The following MDC1 variants were observed in gnomAD, a reference collection of about 807,000 sequenced individuals.
MDC1 encodes mediator of DNA damage checkpoint 1.
MDC1 carries 81 observed loss-of-function variants against 142.5 expected under a neutral mutation model. The ratio of observed to expected loss-of-function variants is 0.57; its 90% CI spans 0.47 to 0.68. The LOEUF (loss-of-function observed/expected upper bound fraction) is 0.68, where lower values mean the gene tolerates loss of function less well. Ranked by LOEUF, MDC1 falls within the 30% of genes least tolerant of loss-of-function variation. MDC1 has a pLI of 0.00. For missense variants in MDC1, 2,119 were observed against 2,547.9 expected (o/e 0.83, Z 3.62); for synonymous variants, 797 against 968.4 (o/e 0.82, Z 3.29).
rs752754991 is a variant in MDC1, at chr6:30,706,050, C to A, written c.3133G>T (p.Ala1045Ser). The change falls in exon 10 of 15, where the codon GCC becomes TCC. Residue 1045 changes from alanine to serine, a missense_variant. Ala to Ser is a moderately conservative substitution (Grantham distance 99). Coordinates refer to ENST00000376406, the MANE Select transcript of MDC1 (RefSeq NM_014641.3). The stretch of plus-strand genomic sequence containing the variant: ...AGGGGCTTTTGGGGTGGGGCTGGGG[C>A]TTCAGGTACTGTAGGAGGCAGACAA... ...DACLPPTVPE[A>S]PAPPQKPLNS... 1.3e-5 allele frequency: 21 copies of A among 1,599,930 alleles called. No homozygotes were observed. Among genetic ancestry groups the A allele is most frequent in the Non-Finnish European group, 1.6e-5 (19 of 1,179,072 alleles).
At position 30,715,742 on chromosome 6, in the gene MDC1, G is replaced by C. The variant is rs1775573740; in HGVS notation, c.-3-564C>G. On this transcript the variant is annotated intron_variant, in intron 1 of 14. Transcript: ENST00000376406. This position sits in a 1 kb window ranked among gnomAD's most constrained non-coding sequence, Gnocchi z 4.1. ...ATGATAATAAAAGATGACATATATA[G>C]AAGCTTCCTATGTGTCAAGCACTGT... Among the ~76,000 whole-genome samples, 1 of 152,148 alleles carries C rather than the reference G, an allele frequency of 6.6e-6. No homozygotes were observed. The highest frequency in any genetic ancestry group is 1.5e-5 in the Non-Finnish European group (1 of 68,032).
Position 30,705,058 on chromosome 6 carries a change from A to C in MDC1, c.4125T>G (p.Pro1375=). ...TGACAGGCTGCTCTGTGGAGGTGGA[A>C]GGTGGGAGCTCAGGGGCTATAGGGA... ...STVPIAPELP[P]STSTEQPVTP... The change falls in exon 10 of 15, where the codon CCT becomes CCG. Residue 1375 remains proline, a synonymous_variant. Transcript: ENST00000376406. 1 of 1,612,238 alleles carries C rather than the reference A, an allele frequency of 6.2e-7. No individual in the cohort carries two copies.
At position 30,703,598 on chromosome 6, in the gene MDC1, T is replaced by C; in HGVS notation, c.5562+23A>G. 6.2e-7 allele frequency: 1 copy of C among 1,612,268 alleles called. No homozygotes were observed. Among genetic ancestry groups the C allele is most frequent in the Non-Finnish European group, 8.5e-7 (1 of 1,179,172 alleles). The stretch of plus-strand genomic sequence containing the variant: ...GCCCTGAAGTCATTTTTCCCAGCTT[T>C]GTGGTCCCAACCCTCTCCTCACCTC... On this transcript the variant is annotated intron_variant, in intron 10 of 14. Coordinates refer to ENST00000376406, the MANE Select transcript of MDC1 (RefSeq NM_014641.3). The surrounding 1 kb of genome is among the most constrained non-coding windows in gnomAD (Gnocchi z 4.4).
At position 30,700,645 on chromosome 6, in the gene MDC1, G is replaced by T; in HGVS notation, c.6103-13C>A. ...CAACTCTCTGAGGCTGGGGAAGACA[G>T]AGCAAAGGCAAAATCAGGTGAAAAA... On this transcript the variant is annotated splice_polypyrimidine_tract_variant and intron_variant, in intron 14 of 14. Transcript: ENST00000376406. The T allele has an allele frequency of 6.2e-7, 1 of 1,612,212 alleles. No individual in the cohort carries two copies. The highest frequency in any genetic ancestry group is 8.5e-7 in the Non-Finnish European group (1 of 1,179,404).
intron 14 of MDC1, among the ~76,000 whole-genome samples, chr6:30,701,699 T>G (rs1772720714): frequency 1.3e-5 from 2 of 152,170 alleles, no homozygotes; most frequent in Admixed American, 1.3e-4. Context: ...AACAACTGTA[T>G]AGAGACATTT....
rs183607895 is a variant in MDC1 at position 30,715,636 on chromosome 6, G to A, written c.-3-458C>T. Among the ~76,000 whole-genome samples the A allele has an allele frequency of 2.4e-3, 371 of 152,296 alleles. 1 individual carries two copies. Among genetic ancestry groups the A allele is most frequent in the African/African-American group, 8.5e-3 (353 of 41,560 alleles). On this transcript the variant is annotated intron_variant, in intron 1 of 14. Transcript: ENST00000376406. The surrounding 1 kb of genome is among the most constrained non-coding windows in gnomAD (Gnocchi z 4.1). ...TTACAGGCGTGAGCCACTGCGCCCC[G>A]TTGTTTTTCTTTCTTTTTTAGCCCA...
intron 14 of MDC1, among the ~76,000 whole-genome samples, chr6:30,701,047 C>A (rs1413927869): frequency 1.3e-5 from 2 of 148,504 alleles, no homozygotes; most frequent in African/African-American, 5.0e-5. Context: ...TGCACTCCAG[C>A]CTGGGCTACA....
At chr6:30,707,232 G>A (rs1774029291) in intron 9 of MDC1, 152 bp downstream of exon 9, 3 of 766,032 alleles carry the variant, frequency 3.9e-6, no homozygotes, top group Non-Finnish European at 6.5e-6. Context: ...GGGTGCCGAG[G>A]ATAAAGGAAT....
At position 30,703,462 on chromosome 6, in the gene MDC1, T is replaced by C; in HGVS notation, c.5638A>G (p.Ser1880Gly). The change falls in exon 11 of 15, where the codon AGC (serine) becomes GGC (glycine). Residue 1880 changes from serine (S) to glycine (G), a missense_variant. Ser to Gly is a moderately conservative substitution (Grantham distance 56, BLOSUM62 0). Coordinates refer to ENST00000376406, the MANE Select transcript of MDC1 (RefSeq NM_014641.3). This position sits in a 1 kb window ranked among gnomAD's most constrained non-coding sequence, Gnocchi z 4.4. The stretch of plus-strand genomic sequence containing the variant: ...TGGTTAAGTTTGGTCCGTCGGAGGC[T>C]GCGGCTTGGTATTCTGTTGGGCTCC... ...EEEPNRIPSR[S>G]LRRTKLNQES... 1 of 1,614,020 alleles carries C rather than the reference T, an allele frequency of 6.2e-7. No individual in the cohort carries two copies. Among genetic ancestry groups the C allele is most frequent in the Non-Finnish European group, 8.5e-7 (1 of 1,180,040 alleles).
chr6:30,711,528 G>A (rs773595592), intron 6 of MDC1, 24 bp from the exon 7 acceptor site: 4 of 1,609,766 alleles, frequency 2.5e-6, no homozygotes, highest in Non-Finnish European at 3.4e-6. Context: ...GATGGCCTAA[G>A]TTCATCTCCT....
intron 9 of MDC1, among the ~76,000 whole-genome samples, chr6:30,707,061 T>C (rs991818617): frequency 1.3e-5 from 2 of 152,160 alleles, no homozygotes; most frequent in African/African-American, 4.8e-5. Context: ...GGAAGCTACC[T>C]TTTTCCCACA....
Position 30,704,909 on chromosome 6 carries a change from G to A in MDC1, c.4274C>T (p.Thr1425Ile), listed in dbSNP as rs1773472286. The A allele has an allele frequency of 1.2e-6, 2 of 1,605,496 alleles. No homozygotes were observed. The highest frequency in any genetic ancestry group is 1.7e-6 in the Non-Finnish European group (2 of 1,176,010). The change falls in exon 10 of 15, where the codon ACT becomes ATT. Residue 1425 changes from threonine (T) to isoleucine (I), a missense_variant. Physicochemically the swap from Thr to Ile is moderately conservative, Grantham distance 89 (BLOSUM62 -1). Coordinates refer to ENST00000376406, the MANE Select transcript of MDC1 (RefSeq NM_014641.3). The stretch of plus-strand genomic sequence containing the variant: ...GGTGGCCTGAGATGTGGGCTCAGGA[G>A]TGACAGGTTGGTCTGTGGAAGTGGA... ...EPSTSTDQPV[T>I]PEPTSQATRG...
In MDC1 at chr6:30,703,893, C is replaced by A. The variant is rs1029989411; in HGVS notation, c.5290G>T (p.Ala1764Ser). ...TCAGGAATGGCTGTAAGGGATTCAG[C>A]TGCTCTCACTGCTCCCCATCTTTGG... ...RNQRWGAVRA[A>S]ESLTAIPEPA... is the part of the protein sequence containing the mutation. Residue 1764 changes from alanine (A) to serine (S), a missense_variant, in exon 10 of 15, where the codon GCT (alanine) becomes TCT (serine). Ala to Ser is a moderately conservative substitution (Grantham distance 99). Transcript: ENST00000376406. This position sits in a 1 kb window ranked among gnomAD's most constrained non-coding sequence, Gnocchi z 4.4. 2 of 1,614,160 alleles carry A rather than the reference C, an allele frequency of 1.2e-6. No homozygotes were observed. Among genetic ancestry groups the A allele is most frequent in the Non-Finnish European group, 1.7e-6 (2 of 1,180,026 alleles).
chr6:30,705,069 C>T lies in MDC1; in HGVS notation c.4114G>A (p.Glu1372Lys). 6.2e-7 allele frequency: 1 copy of T among 1,612,246 alleles called. No individual in the cohort carries two copies. Among genetic ancestry groups the T allele is most frequent in the Non-Finnish European group, 8.5e-7 (1 of 1,179,586 alleles). Residue 1372 changes from glutamate to lysine, a missense_variant, in exon 10 of 15, where the codon GAG becomes AAG. By Grantham distance (56) the Glu-to-Lys change is moderately conservative. Coordinates refer to ENST00000376406, the MANE Select transcript of MDC1 (RefSeq NM_014641.3). ...NPESTVPIAPELPPSTSTEQP... is the reference protein window; with the variant it reads ...NPESTVPIAPKLPPSTSTEQP... ...TCTGTGGAGGTGGAAGGTGGGAGCT[C>T]AGGGGCTATAGGGACAGTTGATTCA...
In MDC1 at chr6:30,716,227, CTT is replaced by C. The variant is rs113041889; in HGVS notation, c.-4+1016_-4+1017del. On this transcript the variant is annotated intron_variant, in intron 1 of 14. Transcript: ENST00000376406. The surrounding 1 kb of genome is among the most constrained non-coding windows in gnomAD (Gnocchi z 4.4). ...ATTCAGTTCAAATGTCACTTTCTTTCTTTTTTTTTTTTTTGAGATGGAATCTC... is the reference window on the plus strand; with the variant it reads ...ATTCAGTTCAAATGTCACTTTCTTTCTTTTTTTTTTTTGAGATGGAATCTC... Among the ~76,000 whole-genome samples, 8 of 144,314 alleles carry C rather than the reference CTT, an allele frequency of 5.5e-5. No individual in the cohort carries two copies. The highest frequency in any genetic ancestry group is 6.1e-5 in the Non-Finnish European group (4 of 65,390). The allele number at this position is 144,314 out of a possible 152,430, so 94.7% of individuals were successfully genotyped here.
At position 30,715,291 on chromosome 6, in the gene MDC1, T is replaced by A; in HGVS notation, c.-3-113A>T. The stretch of plus-strand genomic sequence containing the variant: ...CTGGATCATTATGAACGTTGATGCT[T>A]CTCTTTCCACCAATCTTTCTGTTGT... On this transcript the variant is annotated intron_variant, in intron 1 of 14. Transcript: ENST00000376406. The surrounding 1 kb of genome is among the most constrained non-coding windows in gnomAD (Gnocchi z 4.1). 8.7e-7 allele frequency: 1 copy of A among 1,145,602 alleles called. No individual in the cohort carries two copies. The highest frequency in any genetic ancestry group is 1.3e-6 in the Non-Finnish European group (1 of 780,250). 71.0% of individuals were successfully genotyped at this position (1,145,602 alleles called of 1,614,324 possible).
Position 30,703,527 on chromosome 6 carries a change from G to A in MDC1, c.5573C>T (p.Thr1858Ile). 3 of 1,613,142 alleles carry A rather than the reference G, an allele frequency of 1.9e-6. No individual in the cohort carries two copies. Among genetic ancestry groups the A allele is most frequent in the Non-Finnish European group, 1.7e-6 (2 of 1,180,022 alleles). The stretch of plus-strand genomic sequence containing the variant: ...TCTCTTTCTCTTGCCTGGTTTTGGA[G>A]TCACGACATCCTGAGATTGAGAAAA... ...EKPGKEEDVV[T>I]PKPGKRKRDQ... The change falls in exon 11 of 15, where the codon ACT becomes ATT. Residue 1858 changes from threonine (T) to isoleucine (I), a missense_variant. Thr to Ile is a moderately conservative substitution (Grantham distance 89, BLOSUM62 -1). Coordinates refer to ENST00000376406, the MANE Select transcript of MDC1 (RefSeq NM_014641.3). The surrounding 1 kb of genome is among the most constrained non-coding windows in gnomAD (Gnocchi z 4.4).
At chr6:30,710,097 T>TA (rs1774593618) in intron 7 of MDC1, among the ~76,000 whole-genome samples, 1 of 151,760 alleles carries the variant, frequency 6.6e-6, no homozygotes, top group Non-Finnish European at 1.5e-5. Context: ...TTTCTTTTTT[T>TA]TTATTATTAG....
Position 30,703,075 on chromosome 6 carries a change from C to T in MDC1, c.5865+29G>A, listed in dbSNP as rs376959883. 2.9e-5 allele frequency: 47 copies of T among 1,601,846 alleles called. No individual in the cohort carries two copies. Among genetic ancestry groups the T allele is most frequent in the East Asian group, 4.5e-5 (2 of 44,698 alleles). On this transcript the variant is annotated intron_variant, in intron 12 of 14. Transcript: ENST00000376406. This position sits in a 1 kb window ranked among gnomAD's most constrained non-coding sequence, Gnocchi z 4.4. Reference sequence around the variant, plus strand: ...TATATGAGCAGTCTTGCCACTATATCGGTCTGTCATCATCCCTTGGCCTCT... The same window carrying T: ...TATATGAGCAGTCTTGCCACTATATTGGTCTGTCATCATCCCTTGGCCTCT...
Sources: gnomAD v4.1 joint callset for allele counts (sites outside exome capture counted in the v4.1 genomes callset) on GRCh38, gnomAD v4.1.1 for gene constraint, Gnocchi (gnomAD v3.1) non-coding constraint, MANE v1.5 for transcripts, NCBI Gene and HGNC (gene_info 2026-07-23, HGNC 2026-07-21) for gene names.